Variants in COL12A1 observed in about 807,000 individuals in gnomAD.
COL12A1 encodes collagen type XII alpha 1 chain.
COL12A1 carries 114 observed loss-of-function variants against 349.7 expected under a neutral mutation model. The ratio of observed to expected loss-of-function variants is 0.33; its 90% confidence interval spans 0.28 to 0.38. The LOEUF (loss-of-function observed/expected upper bound fraction) is 0.38, where lower values mean the gene tolerates loss of function less well. Among genes scored for constraint, COL12A1 ranks in the 10% least tolerant of loss-of-function variants. COL12A1 has a pLI of 1.00. For missense variants in COL12A1, 3,284 were observed against 3,756.9 expected, an observed-to-expected ratio of 0.87 and a Z score of 3.29; for synonymous variants, 1,369 against 1,329.0, an observed-to-expected ratio of 1.03 and a Z score of -0.66.
chr6:75,121,330 A>G lies in COL12A1; in HGVS notation c.7058T>C (p.Phe2353Ser). 1.2e-6 allele frequency: 2 copies of G among 1,610,582 alleles called. No individual in the cohort carries two copies. Among genetic ancestry groups the G allele is most frequent in the Non-Finnish European group, 1.7e-6 (2 of 1,177,494 alleles). The change falls in exon 44 of 66, where the codon TTT (phenylalanine) becomes TCT (serine). Residue 2353 changes from phenylalanine (F) to serine (S), a missense_variant. Around this residue, in one of 2 missense-constraint regions of COL12A1, gnomAD observed 683 missense variants for 932.1 expected, o/e 0.73. Coordinates refer to ENST00000322507, the MANE Select transcript of COL12A1 (RefSeq NM_004370.6). ...VKFIFNTVGG[F>S]DEISPAGIQV... ...AATCCCAGCAGGACTGATTTCATCA[A>G]AGCCTCCCACAGTATTGAAGATGAA...
chr6:75,173,378 A>AT (rs1238148832), intron 13 of COL12A1, among the ~76,000 whole-genome samples: 11 of 151,790 alleles, frequency 7.2e-5, no homozygotes, highest in African/African-American at 2.4e-4. Flanking sequence ...CACTATTATT[A>AT]TTATTTTTTT....
intron 11 of COL12A1, among the ~76,000 whole-genome samples, chr6:75,179,585 T>G (rs1769158086): frequency 6.6e-6 from 1 of 151,902 alleles, no homozygotes; most frequent in Non-Finnish European, 1.5e-5. Flanking sequence ...CTGAAAAATG[T>G]TTCACAGAAA....
In COL12A1 at chr6:75,116,285, T is replaced by C. The variant is rs149944485; in HGVS notation, c.7520-228A>G. 5.9e-3 allele frequency among the ~76,000 whole-genome samples: 905 copies of C among 152,208 alleles called. 11 individuals are homozygous for C. Among genetic ancestry groups the C allele is most frequent in the Middle Eastern group, 0.024 (7 of 294 alleles). On this transcript the variant is annotated intron_variant, in intron 47 of 65. Coordinates refer to ENST00000322507, the MANE Select transcript of COL12A1 (RefSeq NM_004370.6). The stretch of plus-strand genomic sequence containing the variant: ...ATTTCCCTAACATTCTCTAATCCAA[T>C]TGGACTTTTACAGTACTCTTAAAAA...
intron 30 of COL12A1, 139 bp from the exon 31 acceptor site, chr6:75,137,718 A>G: frequency 1.1e-6 from 1 of 925,176 alleles, no homozygotes; most frequent in Non-Finnish European, 1.6e-6. Flanking sequence ...AAAAATGGTT[A>G]TTGATTCTTA....
chr6:75,152,724 C>G (rs1767556167), intron 17 of COL12A1, among the ~76,000 whole-genome samples: 1 of 152,096 alleles, frequency 6.6e-6, no homozygotes, highest in South Asian at 2.1e-4. Context: ...TTTCCTTTAT[C>G]TTTGACTCGA....
chr6:75,095,827 T>C (rs975859758), intron 59 of COL12A1, among the ~76,000 whole-genome samples: 4 of 152,012 alleles, frequency 2.6e-5, no homozygotes, highest in African/African-American at 9.7e-5. Flanking sequence ...AGAAAGCAAT[T>C]CCCTTTTTTT....
At chr6:75,143,144 A>C in intron 26 of COL12A1, 108 bp downstream of exon 26, 1 of 1,302,406 alleles carries the variant, frequency 7.7e-7, no homozygotes, top group Non-Finnish European at 1.1e-6. Context: ...CTGTGTTAAC[A>C]AAGTGACAAG....
intron 33 of COL12A1, 51 bp from the exon 34 acceptor site, chr6:75,133,473 AAAT>A (rs754295158): frequency 6.4e-7 from 1 of 1,560,690 alleles, no homozygotes; most frequent in Non-Finnish European, 8.7e-7. Context: ...TTTGTGAAAG[AAAT>A]AATAATTCAA....
chr6:75,199,407 A>G (rs1023672987), intron 2 of COL12A1, among the ~76,000 whole-genome samples: 1 of 152,238 alleles, frequency 6.6e-6, no homozygotes, highest in South Asian at 2.1e-4. Flanking sequence ...GTCTCAACCT[A>G]GACACAAGAC....
intron 11 of COL12A1, among the ~76,000 whole-genome samples, chr6:75,179,929 G>A (rs1228583202): frequency 6.6e-6 from 1 of 152,188 alleles, no homozygotes; most frequent in African/African-American, 2.4e-5. Context: ...GGCAAAATGT[G>A]CACACCATGT....
At chr6:75,146,449 G>A (rs182472133) in intron 23 of COL12A1, among the ~76,000 whole-genome samples, 10 of 152,252 alleles carry the variant, frequency 6.6e-5, no homozygotes, top group East Asian at 3.9e-4. Context: ...AAGACTGCAC[G>A]TTACCACTAT....
Position 75,131,943 on chromosome 6 carries a change from T to C in COL12A1, c.5934A>G (p.Glu1978=). 6.2e-7 allele frequency: 1 copy of C among 1,613,548 alleles called. No homozygotes were observed. The highest frequency in any genetic ancestry group is 8.5e-7 in the Non-Finnish European group (1 of 1,179,756). ...TTTCCATGACAAAATTACTTACAGA[T>C]TCTGAGGGTCTTGTGCCATCCACAG... The part of the protein sequence containing the change: ...YSPVDGTRPS[E]SIVVPGNTRM... The change falls in exon 35 of 66, where the codon GAA becomes GAG. Residue 1978 remains glutamate, a synonymous_variant. Coordinates refer to ENST00000322507, the MANE Select transcript of COL12A1 (RefSeq NM_004370.6).
chr6:75,167,262 G>A (rs1457300167), intron 13 of COL12A1, among the ~76,000 whole-genome samples: 1 of 151,910 alleles, frequency 6.6e-6, no homozygotes, highest in African/African-American at 2.4e-5. Context: ...TTTGATAATC[G>A]ATATCCCAAC....
chr6:75,189,955 A>C (rs1769843770), intron 5 of COL12A1, 140 bp from the exon 6 acceptor site: 1 of 874,426 alleles, frequency 1.1e-6, no homozygotes, highest in East Asian at 2.7e-5. Flanking sequence ...ACCCACATGC[A>C]CAAAGAAATA....
rs774987436 is a variant in COL12A1, at chr6:75,130,251, A to G, written c.6068-18T>C. The G allele has an allele frequency of 1.2e-6, 2 of 1,610,018 alleles. No homozygotes were observed. Among genetic ancestry groups the G allele is most frequent in the Non-Finnish European group, 8.5e-7 (1 of 1,178,476 alleles). On this transcript the variant is annotated intron_variant, in intron 36 of 65. Transcript: ENST00000322507. ...GCGTGGTACTAAATAAATAAAATAC[A>G]ATAGAGTTTGTTGCCTGCCTGTGAG...
Position 75,189,600 on chromosome 6 carries a change from G to A in COL12A1, c.610C>T (p.Leu204Phe). The change falls in exon 6 of 66, where the codon CTT (leucine) becomes TTT (phenylalanine). Residue 204 changes from leucine to phenylalanine, a missense_variant. Leu to Phe is a conservative substitution (Grantham distance 22). Transcript: ENST00000322507. ...LNQYYQRDEL[L>F]AAIKKIPYKG... ...TATGGAATTTTTTTTATTGCAGCAAGAAGTTCATCCCTTTGGTAGTACTGA... is the reference window on the plus strand; with the variant it reads ...TATGGAATTTTTTTTATTGCAGCAAAAAGTTCATCCCTTTGGTAGTACTGA... The A allele has an allele frequency of 1.9e-6, 3 of 1,613,156 alleles. No homozygotes were observed. Among genetic ancestry groups the A allele is most frequent in the Non-Finnish European group, 2.5e-6 (3 of 1,179,466 alleles).
At position 75,202,728 on chromosome 6, in the gene COL12A1, T is replaced by C. The variant is rs1343690423; in HGVS notation, c.65A>G (p.Glu22Gly). 1 of 1,551,802 alleles carries C rather than the reference T, an allele frequency of 6.4e-7. No individual in the cohort carries two copies. The highest frequency in any genetic ancestry group is 1.2e-5 in the South Asian group (1 of 84,064). The change falls in exon 2 of 66, where the codon GAG becomes GGG. Residue 22 changes from glutamate to glycine, a missense_variant. Transcript: ENST00000322507. Reference sequence around the variant, plus strand: ...GGAAGGGAGCCTTTTACCTTCTGCCTCAATGGAAGACAGGAGCAGGGCCGC... The same window carrying C: ...GGAAGGGAGCCTTTTACCTTCTGCCCCAATGGAAGACAGGAGCAGGGCCGC... ...LGAALLLSSI[E>G]AEVDPPSDLN...
chr6:75,143,100 A>G (rs1766994188), intron 26 of COL12A1, 152 bp downstream of exon 26: 1 of 834,360 alleles, frequency 1.2e-6, no homozygotes, highest in Admixed American at 2.9e-5. Flanking sequence ...TTGATTTTCA[A>G]AAACTGCTTT....
Position 75,188,555 on chromosome 6 carries a change from G to A in COL12A1, c.824-20C>T, listed in dbSNP as rs369499035. The A allele has an allele frequency of 4.1e-5, 66 of 1,605,858 alleles. No individual in the cohort carries two copies. Among genetic ancestry groups the A allele is most frequent in the Non-Finnish European group, 5.5e-5 (65 of 1,178,722 alleles). On this transcript the variant is annotated intron_variant, in intron 7 of 65. Coordinates refer to ENST00000322507, the MANE Select transcript of COL12A1 (RefSeq NM_004370.6). ...TAATGCCTTCAAAACAAAAGGATAA[G>A]GACATATTGAAATGGGAAATGTGCC...
Sources: allele counts gnomAD v4.1 joint callset (sites outside exome capture counted in the v4.1 genomes callset), GRCh38; gene constraint gnomAD v4.1.1; regional missense constraint gnomAD v4.1.1; transcripts MANE v1.5; gene names NCBI Gene and HGNC (gene_info 2026-07-23, HGNC 2026-07-21).